Variants in TRAPPC9 observed in about 807,000 individuals in gnomAD.
TRAPPC9 encodes the protein IKK2 binding protein.
TRAPPC9 carries 83 observed loss-of-function variants against 124.0 expected under a neutral mutation model. The observed-to-expected ratio is 0.67, with a 90% CI of 0.56 to 0.80. The LOEUF (loss-of-function observed/expected upper bound fraction) is 0.80. Among genes scored for constraint, TRAPPC9 ranks in the 30% least tolerant of loss-of-function variants. The pLI, the probability that TRAPPC9 is intolerant of heterozygous loss-of-function variation, is 0.00. For missense variants in TRAPPC9, 1,302 were observed against 1,508.3 expected, an observed-to-expected ratio of 0.86 and a Z score of 2.27; for synonymous variants, 638 against 617.5, an observed-to-expected ratio of 1.03 and a Z score of -0.49.
At chr8:140,295,960 G>A (rs1408642727) in intron 11 of TRAPPC9, among the ~76,000 whole-genome samples, 1 of 152,140 alleles carries the variant, frequency 6.6e-6, no homozygotes, top group African/African-American at 2.4e-5. Context: ...CACTGAATTT[G>A]TCCTCAGCCC....
rs1261565241 is a variant in TRAPPC9 at position 140,378,617 on chromosome 8, C to A, written c.1135-7437G>T. ...TATCAGTTCTGTCCCTCTAGAGAAC[C>A]CTGACTAATACACCTTCCAACAAGA... is the stretch of plus-strand genomic sequence containing the variant. On this transcript the variant is annotated intron_variant, in intron 7 of 22. Transcript: ENST00000438773. 2.6e-5 allele frequency among the ~76,000 whole-genome samples: 4 copies of A among 152,096 alleles called. No individual in the cohort carries two copies. The East Asian group carries it at 7.7e-4, about 29-fold the overall frequency.
intron 19 of TRAPPC9, among the ~76,000 whole-genome samples, chr8:139,917,457 G>A (rs1010627489): frequency 2.0e-5 from 3 of 152,130 alleles, no homozygotes; most frequent in South Asian, 2.1e-4. Context: ...TGGGATTACA[G>A]GCTTGAGCCA....
At chr8:140,394,951 C>G (rs750978555) in intron 7 of TRAPPC9, among the ~76,000 whole-genome samples, 1 of 152,148 alleles carries the variant, frequency 6.6e-6, no homozygotes, top group South Asian at 2.1e-4. Flanking sequence ...CTGAACCCCA[C>G]GTAGGTCCCC....
chr8:140,147,506 T>G (rs2061480910), intron 17 of TRAPPC9, among the ~76,000 whole-genome samples: 1 of 152,222 alleles, frequency 6.6e-6, no homozygotes, highest in African/African-American at 2.4e-5. Context: ...CAAGAAGTCC[T>G]GTTTCAATGC....
intron 21 of TRAPPC9, among the ~76,000 whole-genome samples, chr8:139,859,094 G>A (rs539053970): frequency 2.0e-4 from 30 of 151,790 alleles, no homozygotes; most frequent in African/African-American, 6.8e-4. Context: ...TGGAGGCCAA[G>A]CTGAGGGATT....
At chr8:139,964,879 C>T (rs892702688) in intron 19 of TRAPPC9, among the ~76,000 whole-genome samples, 1 of 152,200 alleles carries the variant, frequency 6.6e-6, no homozygotes. Flanking sequence ...GAGAAGCTTA[C>T]GTGAAAGCAG....
intron 4 of TRAPPC9, among the ~76,000 whole-genome samples, chr8:140,431,756 T>C (rs1564019742): frequency 6.6e-6 from 1 of 152,172 alleles, no homozygotes; most frequent in African/African-American, 2.4e-5. Context: ...GGACTTGCAT[T>C]CAGACACAAG....
At chr8:139,874,010 T>C (rs1300344150) in intron 21 of TRAPPC9, among the ~76,000 whole-genome samples, 1 of 152,216 alleles carries the variant, frequency 6.6e-6, no homozygotes, top group African/African-American at 2.4e-5. Context: ...CAGGCCGTTC[T>C]TCTCGGCAGG....
In TRAPPC9 at chr8:140,433,629, A is replaced by G. The variant is rs191168749; in HGVS notation, c.859+1483T>C. On this transcript the variant is annotated intron_variant, in intron 4 of 22. Coordinates refer to ENST00000438773, the MANE Select transcript of TRAPPC9 (RefSeq NM_001160372.4). ...ACAACAACAAAAACACACATAATCT[A>G]TTCAACAATGTCCCCTTGTAGTCAA... Among the ~76,000 whole-genome samples the G allele has an allele frequency of 3.2e-4, 49 of 152,298 alleles. 1 individual carries two copies. The highest frequency in any genetic ancestry group is 1.3e-4 in the Non-Finnish European group (9 of 68,018).
chr8:140,232,851 T>A (rs2063632704), intron 16 of TRAPPC9, among the ~76,000 whole-genome samples: 1 of 152,322 alleles, frequency 6.6e-6, no homozygotes, highest in South Asian at 2.1e-4. Flanking sequence ...CACTGTCAGT[T>A]TGAGATTAAA....
At chr8:140,371,319 G>A in intron 7 of TRAPPC9, 139 bp from the exon 8 acceptor site, 1 of 966,072 alleles carries the variant, frequency 1.0e-6, no homozygotes, top group Non-Finnish European at 1.6e-6. Flanking sequence ...AGCCTGGTGA[G>A]CAGCGCATGG....
At chr8:140,211,985 G>C (rs1389234142) in intron 17 of TRAPPC9, among the ~76,000 whole-genome samples, 1 of 152,240 alleles carries the variant, frequency 6.6e-6, no homozygotes, top group Non-Finnish European at 1.5e-5. Context: ...CTGACTCTGG[G>C]TGTGCCACTT....
intron 10 of TRAPPC9, among the ~76,000 whole-genome samples, chr8:140,302,421 A>G (rs34995432): frequency 0.28 from 42,217 of 152,054 alleles, 6,182 homozygotes; most frequent in Middle Eastern, 0.4. Flanking sequence ...GGGCACCAGG[A>G]CCTTATCTGT....
intron 18 of TRAPPC9, among the ~76,000 whole-genome samples, chr8:139,999,934 T>A (rs1046153406): frequency 6.6e-6 from 1 of 152,184 alleles, no homozygotes; most frequent in African/African-American, 2.4e-5. Context: ...GAAAAATCCA[T>A]ATCATTAAGT....
At position 140,023,931 on chromosome 8, in the gene TRAPPC9, AT is replaced by A; in HGVS notation, c.2699+5del. The A allele has an allele frequency of 6.2e-7, 1 of 1,613,912 alleles. No individual in the cohort carries two copies. ...CAAGACGGCTGTGCGGCAGGAAGAC[AT>A]TTACCTGGTTGCTGGGAGGGTGCTG... On this transcript the variant is annotated splice_donor_5th_base_variant and intron_variant, in intron 18 of 22. Transcript: ENST00000438773.
intron 19 of TRAPPC9, among the ~76,000 whole-genome samples, chr8:139,910,839 A>G (rs546739760): frequency 1.3e-5 from 2 of 152,194 alleles, no homozygotes; most frequent in South Asian, 4.2e-4. Flanking sequence ...CTGTACCCCT[A>G]TTGTATCTAG....
chr8:139,827,948 G>A (rs755366439), intron 21 of TRAPPC9, among the ~76,000 whole-genome samples: 6 of 152,138 alleles, frequency 3.9e-5, no homozygotes, highest in Non-Finnish European at 7.4e-5. Flanking sequence ...GAGGTGCCAC[G>A]CTCTTTCCAA....
intron 5 of TRAPPC9, among the ~76,000 whole-genome samples, chr8:140,418,644 C>G (rs1286036610): frequency 6.6e-6 from 1 of 152,162 alleles, no homozygotes; most frequent in East Asian, 1.9e-4. Context: ...TCGCTTGAAC[C>G]TGGGAGGCAG....
At chr8:140,190,234 T>C (rs538050375) in intron 17 of TRAPPC9, among the ~76,000 whole-genome samples, 1 of 151,850 alleles carries the variant, frequency 6.6e-6, no homozygotes, top group Non-Finnish European at 1.5e-5. Context: ...GGCTGGAGGA[T>C]CACTTGAGGT....
Sources: allele counts gnomAD v4.1 joint callset (sites outside exome capture counted in the v4.1 genomes callset), GRCh38; gene constraint gnomAD v4.1.1; transcripts MANE v1.5; gene names NCBI Gene and HGNC (gene_info 2026-07-23, HGNC 2026-07-21).